Variants in TMEM132D observed in about 807,000 individuals in gnomAD.
TMEM132D encodes the protein mature OL transmembrane protein.
Under a neutral mutation model 62.3 loss-of-function variants are expected in TMEM132D, and 21 were observed. The observed-to-expected ratio is 0.34, with a 90% CI of 0.24 to 0.49. TMEM132D has a LOEUF of 0.49. Among genes scored for constraint, TMEM132D ranks in the 20% least tolerant of loss-of-function variants. TMEM132D has a pLI of 0.99. For synonymous variants in TMEM132D, 621 were observed against 575.6 expected, an observed-to-expected ratio of 1.08 and a Z score of -1.13; for missense variants, 1,346 against 1,402.8, an observed-to-expected ratio of 0.96 and a Z score of 0.65.
intron 4 of TMEM132D, among the ~76,000 whole-genome samples, chr12:129,213,889 G>A (rs1199295338): frequency 1.3e-5 from 2 of 152,194 alleles, no homozygotes; most frequent in African/African-American, 4.8e-5. Flanking sequence ...CCGTAGCAGT[G>A]TGTAAATGTG....
chr12:129,778,173 G>T (rs1421093261), intron 1 of TMEM132D, among the ~76,000 whole-genome samples: 1 of 84,136 alleles, frequency 1.2e-5, no homozygotes, highest in Non-Finnish European at 2.5e-5. Flanking sequence ...AACAATCTAA[G>T]AAAAGAAGGA....
At chr12:129,661,154 C>G (rs543921155) in intron 2 of TMEM132D, among the ~76,000 whole-genome samples, 179 of 152,270 alleles carry the variant, frequency 1.2e-3, no homozygotes, top group African/African-American at 4.0e-3. Context: ...TGGCCATTTG[C>G]ATACAGTTTC....
intron 4 of TMEM132D, among the ~76,000 whole-genome samples, chr12:129,244,870 A>T (rs1273487024): frequency 6.6e-6 from 1 of 151,996 alleles, no homozygotes; most frequent in Non-Finnish European, 1.5e-5. Context: ...CAAACTCCTG[A>T]CCTCAGGTGA....
chr12:129,526,182 T>C (rs552364024), intron 3 of TMEM132D, among the ~76,000 whole-genome samples: 1 of 152,344 alleles, frequency 6.6e-6, no homozygotes, highest in South Asian at 2.1e-4. Flanking sequence ...AGTGAGGTAC[T>C]ATGCTTTTTT....
chr12:129,266,138 G>A (rs905242439), intron 4 of TMEM132D, among the ~76,000 whole-genome samples: 2 of 152,110 alleles, frequency 1.3e-5, no homozygotes, highest in East Asian at 1.9e-4. Context: ...ATATTGGATG[G>A]TCATTTCAGT....
intron 1 of TMEM132D, among the ~76,000 whole-genome samples, chr12:129,748,831 C>T (rs996478686): frequency 1.3e-5 from 2 of 152,166 alleles, no homozygotes; most frequent in Non-Finnish European, 2.9e-5. Context: ...AAAGTGAGTC[C>T]TTCACCACAG....
intron 2 of TMEM132D, among the ~76,000 whole-genome samples, chr12:129,623,164 G>A (rs901437805): frequency 1.1e-4 from 16 of 152,038 alleles, no homozygotes; most frequent in Admixed American, 5.9e-4. Flanking sequence ...TAAACCAGTC[G>A]GATTTGAGTT....
chr12:129,447,507 C>T (rs769341241), intron 3 of TMEM132D, among the ~76,000 whole-genome samples: 1 of 152,108 alleles, frequency 6.6e-6, no homozygotes, highest in African/African-American at 2.4e-5. Context: ...CATCTGGACT[C>T]GTACTCTCCC....
chr12:129,169,363 G>A lies in TMEM132D; in HGVS notation c.1443+40157C>T, dbSNP rs1349336392. On this transcript the variant is annotated intron_variant, in intron 5 of 8. Coordinates refer to ENST00000422113, the MANE Select transcript of TMEM132D (RefSeq NM_133448.3). ...CACAACTGTGAGACATGAATGGTGT[G>A]AGGATGTTGTGGCTGGAGCTATGGC... 2.0e-5 allele frequency among the ~76,000 whole-genome samples: 3 copies of A among 152,182 alleles called. No homozygotes were observed. The East Asian group carries it at 5.8e-4, about 29-fold the overall frequency.
At chr12:129,267,597 G>A (rs146561635) in intron 4 of TMEM132D, among the ~76,000 whole-genome samples, 2 of 152,220 alleles carry the variant, frequency 1.3e-5, no homozygotes, top group East Asian at 3.9e-4. Context: ...AGTGAAAATG[G>A]TCATACTGCC....
chr12:129,670,954 T>C (rs1593113867), intron 2 of TMEM132D, among the ~76,000 whole-genome samples: 2 of 152,300 alleles, frequency 1.3e-5, no homozygotes, highest in African/African-American at 4.8e-5. Flanking sequence ...TCGCACAATA[T>C]TTCTTTCCCA....
At chr12:129,715,419 G>A (rs1868535447) in intron 1 of TMEM132D, among the ~76,000 whole-genome samples, 1 of 152,170 alleles carries the variant, frequency 6.6e-6, no homozygotes, top group African/African-American at 2.4e-5. Context: ...TACCAGGAGA[G>A]AATGAAGGAA....
intron 4 of TMEM132D, among the ~76,000 whole-genome samples, chr12:129,247,500 T>A (rs1398695621): frequency 6.6e-6 from 1 of 152,204 alleles, no homozygotes; most frequent in Non-Finnish European, 1.5e-5. Context: ...TGGATGACCA[T>A]AAAAGCCAAA....
chr12:129,680,444 G>A (rs1880749853), intron 2 of TMEM132D, among the ~76,000 whole-genome samples: 1 of 152,058 alleles, frequency 6.6e-6, no homozygotes. Flanking sequence ...CACTCCCTCT[G>A]GGTCTTTCCA....
At chr12:129,093,373 A>T (rs1348024812) in intron 5 of TMEM132D, among the ~76,000 whole-genome samples, 1 of 152,142 alleles carries the variant, frequency 6.6e-6, no homozygotes. Context: ...AATCACAAGC[A>T]TTCTTATACA....
chr12:129,384,251 G>T (rs1871040658), intron 3 of TMEM132D, among the ~76,000 whole-genome samples: 2 of 152,268 alleles, frequency 1.3e-5, no homozygotes, highest in South Asian at 2.1e-4. Flanking sequence ...CTTTAACAGT[G>T]ACTTAAACAA....
intron 1 of TMEM132D, among the ~76,000 whole-genome samples, chr12:129,829,884 C>T (rs776623226): frequency 7.9e-5 from 12 of 152,178 alleles, no homozygotes; most frequent in Non-Finnish European, 1.6e-4. Context: ...CAGGTCAGAT[C>T]CTGGACTGCT....
chr12:129,186,051 CT>C (rs1393336511), intron 5 of TMEM132D, among the ~76,000 whole-genome samples: 1 of 152,220 alleles, frequency 6.6e-6, no homozygotes, highest in Non-Finnish European at 1.5e-5. Context: ...TCCTTGACCC[CT>C]GCTGACCACA....
Position 129,333,128 on chromosome 12 carries a change from T to C in TMEM132D, c.1299+4506A>G, listed in dbSNP as rs1869163554. 2.0e-5 allele frequency among the ~76,000 whole-genome samples: 3 copies of C among 152,190 alleles called. No individual in the cohort carries two copies. The South Asian group carries it at 6.2e-4, about 31-fold the overall frequency. On this transcript the variant is annotated intron_variant, in intron 4 of 8. Transcript: ENST00000422113. The stretch of plus-strand genomic sequence containing the variant: ...AAATGCTTAATAGGAAATAAACATG[T>C]CATCTAAGAAGGGCAAATTAAAACA...
Sources: allele counts gnomAD v4.1 joint callset (sites outside exome capture counted in the v4.1 genomes callset), GRCh38; gene constraint gnomAD v4.1.1; transcripts MANE v1.5; gene names NCBI Gene and HGNC (gene_info 2026-07-23, HGNC 2026-07-21).